OSTN: variants seen among roughly 807,000 people sequenced by gnomAD.
The protein encoded by OSTN is osteocrin.
A neutral mutation model predicts 12.0 loss-of-function variants in OSTN; 9 were observed. The observed-to-expected ratio is 0.75, with a 90% CI of 0.45 to 1.30. OSTN has a LOEUF of 1.30. Ranked by LOEUF, OSTN falls within the 50% of genes most tolerant of loss-of-function variation. OSTN has a pLI of 0.00. For synonymous variants in OSTN, 59 were observed against 56.9 expected (o/e 1.04, Z -0.16); for missense variants, 148 against 152.3 (o/e 0.97, Z 0.15).
At chr3:191,215,538 G>T (rs186536024) in intron 2 of OSTN, among the ~76,000 whole-genome samples, 43 of 152,250 alleles carry the variant, frequency 2.8e-4, no homozygotes, top group African/African-American at 9.4e-4. Context: ...TCAATAGCAA[G>T]TTTGTTACTT....
intron 3 of OSTN, among the ~76,000 whole-genome samples, chr3:191,219,563 G>C (rs1375020505): frequency 1.3e-5 from 2 of 152,206 alleles, no homozygotes; most frequent in Non-Finnish European, 2.9e-5. Flanking sequence ...GTGCTTCATA[G>C]AATGCTAATT....
chr3:191,204,040 G>A lies in OSTN; in HGVS notation c.-1+4733G>A, dbSNP rs1467986162. 5.3e-5 allele frequency among the ~76,000 whole-genome samples: 8 copies of A among 152,100 alleles called. No individual in the cohort carries two copies. In the East Asian group the frequency reaches 9.7e-4, roughly 18 times the overall value. On this transcript the variant is annotated intron_variant, in intron 1 of 4. Coordinates refer to ENST00000682035, the MANE Select transcript of OSTN (RefSeq NM_198184.2). ...GTGGCTGGGATTACAGGCACCTGCC[G>A]CCACGCCTGGCTAATTTTTTTGTAT...
intron 4 of OSTN, among the ~76,000 whole-genome samples, chr3:191,260,044 G>T (rs1715771561): frequency 6.6e-6 from 1 of 151,496 alleles, no homozygotes; most frequent in South Asian, 2.1e-4. Flanking sequence ...TAGAGATGGG[G>T]TTTCACCATG....
chr3:191,258,999 C>T (rs1247900310), intron 4 of OSTN, among the ~76,000 whole-genome samples: 3 of 152,078 alleles, frequency 2.0e-5, no homozygotes, highest in Admixed American at 1.3e-4. Flanking sequence ...TTAGACCTCA[C>T]AGGAGGTTGC....
intron 3 of OSTN, among the ~76,000 whole-genome samples, chr3:191,241,389 T>C (rs1715319150): frequency 6.6e-6 from 1 of 151,954 alleles, no homozygotes; most frequent in Non-Finnish European, 1.5e-5. Flanking sequence ...TTTCACTATG[T>C]TAGCCAGGAT....
At chr3:191,244,369 T>A (rs1715385269) in intron 3 of OSTN, among the ~76,000 whole-genome samples, 1 of 151,764 alleles carries the variant, frequency 6.6e-6, no homozygotes. Flanking sequence ...TCTACTTTAC[T>A]TACAGAATAT....
In OSTN at chr3:191,263,121, A is replaced by T; in HGVS notation, c.*268A>T. ...TAACTTCCCCTTAAACCTTACTTTT[A>T]AAAATAATAATTAAATACACAATAC... On this transcript the variant is annotated 3_prime_UTR_variant, in exon 5 of 5. Transcript: ENST00000682035. 2.3e-6 allele frequency: 1 copy of T among 435,504 alleles called. No homozygotes were observed. Among genetic ancestry groups the T allele is most frequent in the Non-Finnish European group, 4.1e-6 (1 of 245,156 alleles). 27.0% of individuals were successfully genotyped at this position (435,504 alleles called of 1,614,324 possible). A position where few individuals can be genotyped will look rare whatever the true frequency, so the allele number is the denominator to read the frequency against.
intron 3 of OSTN, among the ~76,000 whole-genome samples, chr3:191,240,119 A>T (rs1244225289): frequency 2.0e-5 from 3 of 152,212 alleles, no homozygotes; most frequent in African/African-American, 7.2e-5. Context: ...TTGGTTCCTT[A>T]AAACCATATC....
At chr3:191,230,401 TA>T (rs576817807) in intron 3 of OSTN, among the ~76,000 whole-genome samples, 2 of 117,872 alleles carry the variant, frequency 1.7e-5, no homozygotes, top group Non-Finnish European at 3.4e-5. Context: ...CTGTCTCTAC[TA>T]AAATACAAAA....
At chr3:191,240,405 C>T (rs570876220) in intron 3 of OSTN, among the ~76,000 whole-genome samples, 50 of 152,260 alleles carry the variant, frequency 3.3e-4, no homozygotes, top group Non-Finnish European at 4.7e-4. Flanking sequence ...TCTACATGCT[C>T]CTTAAGTTTT....
chr3:191,246,893 C>G (rs1457767082), intron 3 of OSTN, among the ~76,000 whole-genome samples: 1 of 152,202 alleles, frequency 6.6e-6, no homozygotes, highest in Admixed American at 6.5e-5. Context: ...CACTCTTAGT[C>G]AGTGATTAGC....
chr3:191,248,512 G>T (rs1715488430), intron 3 of OSTN, among the ~76,000 whole-genome samples: 1 of 152,158 alleles, frequency 6.6e-6, no homozygotes, highest in African/African-American at 2.4e-5. Context: ...AATTAGAAAA[G>T]AACTAAAGAA....
At chr3:191,250,237 C>A in intron 4 of OSTN, 104 bp downstream of exon 4, 1 of 853,136 alleles carries the variant, frequency 1.2e-6, no homozygotes, top group South Asian at 1.6e-5. Flanking sequence ...TTTTGATTTC[C>A]TAGCTTATCA....
At chr3:191,251,856 G>C (rs1715568571) in intron 4 of OSTN, among the ~76,000 whole-genome samples, 1 of 152,138 alleles carries the variant, frequency 6.6e-6, no homozygotes, top group African/African-American at 2.4e-5. Flanking sequence ...CTAGCTAATT[G>C]CTGTTTAAAA....
chr3:191,210,195 C>G (rs116741487), intron 1 of OSTN, among the ~76,000 whole-genome samples: 55 of 152,270 alleles, frequency 3.6e-4, no homozygotes, highest in African/African-American at 1.2e-3. Context: ...AATCAGATCT[C>G]GCGATAACTC....
intron 3 of OSTN, among the ~76,000 whole-genome samples, chr3:191,232,361 A>G (rs905552248): frequency 6.9e-6 from 1 of 144,962 alleles, no homozygotes; most frequent in African/African-American, 2.6e-5. Flanking sequence ...AAAAAAAAAA[A>G]TTGTTGTAAC....
Position 191,212,558 on chromosome 3 carries a change from C to T in OSTN, c.26C>T (p.Ala9Val). 2 of 1,592,832 alleles carry T rather than the reference C, an allele frequency of 1.3e-6. No homozygotes were observed. Among genetic ancestry groups the T allele is most frequent in the Non-Finnish European group, 1.7e-6 (2 of 1,166,406 alleles). Reference protein sequence around the residue: MLDWRLASAHFILAVTLTL... With the variant: MLDWRLASVHFILAVTLTL... ...ATGCTGGACTGGAGATTGGCAAGTG[C>T]ACATTTCATCCTGGCTGTGACACTG... Residue 9 changes from alanine to valine, a missense_variant, in exon 2 of 5, where the codon GCA becomes GTA. Transcript: ENST00000682035.
chr3:191,207,053 G>T (rs1290663131), intron 1 of OSTN, among the ~76,000 whole-genome samples: 1 of 152,092 alleles, frequency 6.6e-6, no homozygotes, highest in Non-Finnish European at 1.5e-5. Context: ...TCAGAACTAA[G>T]GCCCCTTTAT....
At chr3:191,241,395 AG>A (rs1560122045) in intron 3 of OSTN, among the ~76,000 whole-genome samples, 1 of 151,896 alleles carries the variant, frequency 6.6e-6, no homozygotes, top group African/African-American at 2.4e-5. Flanking sequence ...TATGTTAGCC[AG>A]GATGGTCTCG....
Sources: allele counts gnomAD v4.1 joint callset (sites outside exome capture counted in the v4.1 genomes callset), GRCh38; gene constraint gnomAD v4.1.1; transcripts MANE v1.5; gene names NCBI Gene and HGNC (gene_info 2026-07-23, HGNC 2026-07-21).